BLTP3A: variants seen among roughly 807,000 people sequenced by gnomAD.
BLTP3A encodes bridge-like lipid transfer protein family member 3A.
the BLTP3A span, chr6:34,873,940 A>T: frequency 6.6e-6 from 1 of 152,376 alleles, no homozygotes; most frequent in Non-Finnish European, 1.5e-5. Context: ...AAAAAAATGT[A>T]TTCACCAAGG....
the BLTP3A span, chr6:34,835,421 A>G: frequency 6.2e-7 from 1 of 1,614,210 alleles, no homozygotes; most frequent in Admixed American, 1.7e-5. Context: ...GCCATGGAGA[A>G]GTCAGCCCAT....
chr6:34,841,742 A>ATTGTCTTTT, the BLTP3A span, among the ~76,000 whole-genome samples: 4 of 152,312 alleles, frequency 2.6e-5, no homozygotes, highest in East Asian at 7.7e-4. Flanking sequence ...GTGGGACAGC[A>ATTGTCTTTT]TTGTCTTGTA....
chr6:34,821,947 A>G, the BLTP3A span: 117 of 1,614,166 alleles, frequency 7.2e-5, no homozygotes, highest in East Asian at 2.1e-3. Context: ...GACACACCCT[A>G]TTTGCTTGGT....
At chr6:34,856,158 A>G in the BLTP3A span, 30 of 1,500,600 alleles carry the variant, frequency 2.0e-5, 1 homozygote, top group Non-Finnish European at 2.4e-5. Flanking sequence ...ATTCTGAACT[A>G]TGACTATACT....
the BLTP3A span, chr6:34,856,135 G>A: frequency 2.2e-6 from 3 of 1,385,676 alleles, no homozygotes; most frequent in South Asian, 1.4e-5. Flanking sequence ...CTGCACTGTG[G>A]GTGAGGAATC....
At chr6:34,859,268 C>G in the BLTP3A span, 1 of 1,614,066 alleles carries the variant, frequency 6.2e-7, no homozygotes, top group Non-Finnish European at 8.5e-7. Context: ...GGCCATGAGG[C>G]AGTAGAGTCC....
At chr6:34,845,000 G>A in the BLTP3A span, among the ~76,000 whole-genome samples, 1 of 152,198 alleles carries the variant, frequency 6.6e-6, no homozygotes, top group Non-Finnish European at 1.5e-5. Flanking sequence ...TTAGACTTAA[G>A]TCTTTAATCC....
At chr6:34,854,708 C>T in the BLTP3A span, among the ~76,000 whole-genome samples, 2 of 151,996 alleles carry the variant, frequency 1.3e-5, no homozygotes, top group East Asian at 3.9e-4. Flanking sequence ...GGCAAAATGT[C>T]GATTGGATGG....
the BLTP3A span, among the ~76,000 whole-genome samples, chr6:34,795,147 G>C: frequency 6.6e-6 from 1 of 151,790 alleles, no homozygotes; most frequent in East Asian, 1.9e-4. Context: ...GCAGTGGCGC[G>C]ATCATGGCAC....
the BLTP3A span, among the ~76,000 whole-genome samples, chr6:34,795,354 A>T: frequency 6.6e-6 from 1 of 151,858 alleles, no homozygotes; most frequent in Non-Finnish European, 1.5e-5. Context: ...CCGGGATTAC[A>T]GGGGTGAGCC....
chr6:34,801,750 C>G, the BLTP3A span, among the ~76,000 whole-genome samples: 3 of 152,094 alleles, frequency 2.0e-5, no homozygotes, highest in African/African-American at 7.2e-5. Flanking sequence ...GAGACGGAGT[C>G]TCGCTCTGTC....
At chr6:34,820,165 TAAA>T in the BLTP3A span, among the ~76,000 whole-genome samples, 1 of 147,710 alleles carries the variant, frequency 6.8e-6, no homozygotes, top group Non-Finnish European at 1.5e-5. Context: ...CAAGTAGTGC[TAAA>T]AAAAAAAATA....
chr6:34,852,472 G>A, the BLTP3A span, among the ~76,000 whole-genome samples: 2 of 152,078 alleles, frequency 1.3e-5, no homozygotes, highest in Admixed American at 6.6e-5. Context: ...TCTGCCTGGT[G>A]CCCTGTTCTA....
At chr6:34,808,067 G>C in the BLTP3A span, among the ~76,000 whole-genome samples, 8 of 151,606 alleles carry the variant, frequency 5.3e-5, no homozygotes, top group Non-Finnish European at 1.2e-4. Context: ...CAGTGGGCCA[G>C]GCGCGGTGGC....
At chr6:34,856,877 G>T in the BLTP3A span, 3 of 1,614,136 alleles carry the variant, frequency 1.9e-6, no homozygotes, top group South Asian at 3.3e-5. Context: ...GCATGGAACC[G>T]CTTACGCTCT....
chr6:34,871,525 T>G, the BLTP3A span: 1 of 1,509,462 alleles, frequency 6.6e-7, no homozygotes, highest in Non-Finnish European at 9.2e-7. Context: ...GGAGCATGGG[T>G]TGTGTTAAAT....
chr6:34,846,745 G>C, the BLTP3A span, among the ~76,000 whole-genome samples: 3 of 152,054 alleles, frequency 2.0e-5, no homozygotes, highest in Non-Finnish European at 4.4e-5. Flanking sequence ...TTCCAATTTG[G>C]ATACTCTTTA....
At chr6:34,812,734 G>A in the BLTP3A span, among the ~76,000 whole-genome samples, 1 of 151,906 alleles carries the variant, frequency 6.6e-6, no homozygotes, top group African/African-American at 2.4e-5. Context: ...GACTATAGGT[G>A]TGAGCCACTG....
the BLTP3A span, among the ~76,000 whole-genome samples, chr6:34,799,644 G>C: frequency 6.6e-6 from 1 of 152,176 alleles, no homozygotes; most frequent in Non-Finnish European, 1.5e-5. Flanking sequence ...AAAGAACCAG[G>C]CTTTGGATTC....
Sources: allele counts gnomAD v4.1 joint callset (sites outside exome capture counted in the v4.1 genomes callset), GRCh38; gene constraint gnomAD v4.1.1; transcripts MANE v1.5; gene names NCBI Gene and HGNC (gene_info 2026-07-23, HGNC 2026-07-21).